The following FBXO2 variants were observed in gnomAD, a reference collection of about 807,000 sequenced individuals.
The protein encoded by FBXO2 is F-box protein 2.
In FBXO2, 32 loss-of-function variants were observed where a neutral mutation model predicts 38.6. The observed-to-expected ratio is 0.83, with a 90% CI of 0.62 to 1.11. The LOEUF (loss-of-function observed/expected upper bound fraction) is 1.11, where lower values mean the gene tolerates loss of function less well. FBXO2 is among the 50% of genes most tolerant of loss of function. The probability of loss-of-function intolerance (pLI) is 0.00; values close to 1 mark genes in which losing one functional copy is unlikely to be tolerated. For missense variants in FBXO2, 450 were observed against 418.3 expected (o/e 1.08, Z -0.66); for synonymous variants, 189 against 182.9 (o/e 1.03, Z -0.27).
At chr1:11,654,200 G>T in intron 1 of FBXO2, 119 bp downstream of exon 1, 1 of 1,163,014 alleles carries the variant, frequency 8.6e-7, no homozygotes, top group Non-Finnish European at 1.2e-6. Flanking sequence ...TCGCTGGCGT[G>T]AAAGTTTGCC....
chr1:11,651,523 GTTC>G (rs1639520053), intron 1 of FBXO2, among the ~76,000 whole-genome samples: 1 of 152,068 alleles, frequency 6.6e-6, no homozygotes. Flanking sequence ...TCTTATTGCT[GTTC>G]TTATTGCATT....
chr1:11,649,215 G>C lies in FBXO2; in HGVS notation c.628C>G (p.Arg210Gly), dbSNP rs573282990. Residue 210 changes from arginine to glycine, a missense_variant, in exon 5 of 6, where the codon CGC becomes GGC. Coordinates refer to ENST00000354287, the MANE Select transcript of FBXO2 (RefSeq NM_012168.6). ...TCGTAGAGGCAACCAGCGTCGCTGCGGCCCGAGTACCTGCTCAGAGGGAGG... is the reference window on the plus strand; with the variant it reads ...TCGTAGAGGCAACCAGCGTCGCTGCCGCCCGAGTACCTGCTCAGAGGGAGG... ...AIVVKDWYSGRSDAGCLYELT... is the reference protein window; with the variant it reads ...AIVVKDWYSGGSDAGCLYELT... 2.5e-5 allele frequency: 38 copies of C among 1,543,474 alleles called. No individual in the cohort carries two copies. Among genetic ancestry groups the C allele is most frequent in the Non-Finnish European group, 3.1e-5 (36 of 1,143,324 alleles).
chr1:11,652,556 G>A (rs1375030331), intron 1 of FBXO2, among the ~76,000 whole-genome samples: 3 of 152,226 alleles, frequency 2.0e-5, no homozygotes, highest in Non-Finnish European at 4.4e-5. Flanking sequence ...ATCCCAGTCG[G>A]CTTCAGCTGG....
At chr1:11,650,349 C>T in intron 2 of FBXO2, 117 bp downstream of exon 2, 1 of 1,474,434 alleles carries the variant, frequency 6.8e-7, no homozygotes, top group Non-Finnish European at 9.0e-7. Flanking sequence ...CTTGGGGCTA[C>T]CCAGTGCTGG....
rs1434382255 is a variant in FBXO2, at chr1:11,650,069, A to G, written c.397T>C (p.Leu133=). 3 of 1,613,740 alleles carry G rather than the reference A, an allele frequency of 1.9e-6. No individual in the cohort carries two copies. Among genetic ancestry groups the G allele is most frequent in the African/African-American group, 1.3e-5 (1 of 74,858 alleles). The change falls in exon 3 of 6, where the codon TTG becomes CTG. Residue 133 remains leucine, a synonymous_variant. Coordinates refer to ENST00000354287, the MANE Select transcript of FBXO2 (RefSeq NM_012168.6). ...TGCTCCACGTCACACCAGCCTTCCA[A>G]GTCCTCTGTAGGGACACGACAGCCC... ...LLRNPCGEED[L]EGWCDVEHGG... is the part of the protein sequence containing the mutation.
At chr1:11,650,373 G>T in intron 2 of FBXO2, 93 bp downstream of exon 2, 1 of 1,505,450 alleles carries the variant, frequency 6.6e-7, no homozygotes, top group Non-Finnish European at 8.9e-7. Flanking sequence ...TGAGCCAGGC[G>T]CTTAATCCCA....
intron 2 of FBXO2, 104 bp from the exon 3 acceptor site, chr1:11,650,178 G>A: frequency 6.6e-7 from 1 of 1,517,896 alleles, no homozygotes; most frequent in Non-Finnish European, 8.9e-7. Context: ...TTGGTGTCTT[G>A]GTGGGCAGAT....
Position 11,648,879 on chromosome 1 carries a change from T to A in FBXO2, c.757-51A>T. ...GCCTCGGAGGTCCTGAGGCCTCTCCTGCCGCCCCACCCCGGTACACCGACC... is the reference window on the plus strand; with the variant it reads ...GCCTCGGAGGTCCTGAGGCCTCTCCAGCCGCCCCACCCCGGTACACCGACC... On this transcript the variant is annotated intron_variant, in intron 5 of 5. Coordinates refer to ENST00000354287, the MANE Select transcript of FBXO2 (RefSeq NM_012168.6). The surrounding 1 kb of genome is among the most constrained non-coding windows in gnomAD (Gnocchi z 4.2). 6.2e-7 allele frequency: 1 copy of A among 1,603,030 alleles called. No individual in the cohort carries two copies. Among genetic ancestry groups the A allele is most frequent in the Non-Finnish European group, 8.5e-7 (1 of 1,172,816 alleles).
chr1:11,649,663 G>A, intron 4 of FBXO2, 116 bp downstream of exon 4: 1 of 1,046,338 alleles, frequency 9.6e-7, no homozygotes. Flanking sequence ...TGGCCCACGT[G>A]GCCTCAACCC....
At chr1:11,649,917 C>A (rs1306511189) in intron 3 of FBXO2, 28 bp downstream of exon 3, 8 of 1,613,820 alleles carry the variant, frequency 5.0e-6, no homozygotes, top group Non-Finnish European at 6.8e-6. Context: ...CTCCCCCCTT[C>A]CCACCTCCTC....
At chr1:11,652,453 C>A (rs1260613836) in intron 1 of FBXO2, among the ~76,000 whole-genome samples, 5 of 152,182 alleles carry the variant, frequency 3.3e-5, no homozygotes, top group Admixed American at 3.3e-4. Context: ...ACAAACAGGA[C>A]AGACGTCCAA....
At chr1:11,649,254 G>A in intron 4 of FBXO2, 29 bp from the exon 5 acceptor site, 1 of 1,446,198 alleles carries the variant, frequency 6.9e-7, no homozygotes. Flanking sequence ...CGAGGTGGGG[G>A]GCGGGAGGTG....
rs551455433 is a variant in FBXO2, at chr1:11,648,934, G to C, written c.757-106C>G. ...TGCAGCTCCCCCACTCGGTTTCTCC[G>C]CGGTATTCAGAACTCTCTCCACCAC... On this transcript the variant is annotated intron_variant, in intron 5 of 5. Transcript: ENST00000354287. This position sits in a 1 kb window ranked among gnomAD's most constrained non-coding sequence, Gnocchi z 4.2. 6.4e-5 allele frequency: 98 copies of C among 1,530,422 alleles called. No homozygotes were observed. The South Asian group carries it at 9.4e-4, about 15-fold the overall frequency. The allele number at this position is 1,530,422 out of a possible 1,614,324, so 94.8% of individuals were successfully genotyped here.
At position 11,649,906 on chromosome 1, in the gene FBXO2, G is replaced by A. The variant is rs771446250; in HGVS notation, c.522-32C>T. On this transcript the variant is annotated intron_variant, in intron 3 of 5. Coordinates refer to ENST00000354287, the MANE Select transcript of FBXO2 (RefSeq NM_012168.6). Reference sequence around the variant, plus strand: ...GAACTGGAGTTAGGACAGAGCGAACGCTCCCCCCTTCCCACCTCCTCCACC... The same window carrying A: ...GAACTGGAGTTAGGACAGAGCGAACACTCCCCCCTTCCCACCTCCTCCACC... 1.4e-5 allele frequency: 22 copies of A among 1,613,732 alleles called. No homozygotes were observed. The East Asian group carries it at 4.0e-4, about 29-fold the overall frequency.
chr1:11,648,801 G>GC lies in FBXO2; in HGVS notation c.783dup (p.Pro262AlafsTer56). On this transcript the variant is annotated frameshift_variant, in exon 6 of 6. Transcript: ENST00000354287. LOFTEE classifies it high-confidence loss of function. This position sits in a 1 kb window ranked among gnomAD's most constrained non-coding sequence, Gnocchi z 4.2. ...TCGAAGCGGACGAAGCGGACGCCCG[G>GC]CCCGTAGTCGGTGAAGGTGTGGGAG... 1 of 1,613,730 alleles carries GC rather than the reference G, an allele frequency of 6.2e-7. No homozygotes were observed. The highest frequency in any genetic ancestry group is 8.5e-7 in the Non-Finnish European group (1 of 1,180,010).
intron 1 of FBXO2, 91 bp from the exon 2 acceptor site, chr1:11,650,925 C>T (rs1030604255): frequency 6.9e-6 from 10 of 1,454,524 alleles, no homozygotes; most frequent in Non-Finnish European, 9.0e-6. Context: ...CCTCCCCCAC[C>T]CACCGTGGGA....
At chr1:11,650,163 C>G (rs932984395) in intron 2 of FBXO2, 89 bp from the exon 3 acceptor site, 1 of 1,562,608 alleles carries the variant, frequency 6.4e-7, no homozygotes, top group African/African-American at 1.4e-5. Context: ...GGGCAAAGGT[C>G]GCACTTGGTG....
Position 11,649,826 on chromosome 1 carries a change from C to T in FBXO2, c.570G>A (p.Trp190Ter), listed in dbSNP as rs1639482878. The stretch of plus-strand genomic sequence containing the variant: ...GCTGAGTCGTGTCCAGCAGCTCCTC[C>T]CAGTAGCCCTCAGCCTGCAGGTCAA... ...QVIDLQAEGY[W>*]EELLDTTQPA... Residue 190 changes from tryptophan to a stop codon, truncating the protein, a stop_gained, in exon 4 of 6, where the codon TGG (tryptophan) becomes TGA (stop). Transcript: ENST00000354287. LOFTEE classifies it high-confidence loss of function. The T allele has an allele frequency of 6.2e-7, 1 of 1,613,918 alleles. No homozygotes were observed. Among genetic ancestry groups the T allele is most frequent in the Admixed American group, 1.7e-5 (1 of 60,012 alleles).
At chr1:11,653,665 C>T (rs1472547835) in intron 1 of FBXO2, 3 of 152,324 alleles carry the variant, frequency 2.0e-5, no homozygotes, top group African/African-American at 7.2e-5. Flanking sequence ...GGTCTTGTTT[C>T]CATCCTGACT....
Sources: allele counts gnomAD v4.1 joint callset (sites outside exome capture counted in the v4.1 genomes callset), GRCh38; gene constraint gnomAD v4.1.1; non-coding constraint Gnocchi (gnomAD v3.1); transcripts MANE v1.5; gene names NCBI Gene and HGNC (gene_info 2026-07-23, HGNC 2026-07-21).